The following CFHR4 variants were observed in gnomAD, a reference collection of about 807,000 sequenced individuals.
The protein encoded by CFHR4 is complement factor H-related protein 4.
In CFHR4, 64 loss-of-function variants were observed where a neutral mutation model predicts 69.3. The ratio of observed to expected loss-of-function variants is 0.92; its 90% confidence interval spans 0.76 to 1.14. The LOEUF (loss-of-function observed/expected upper bound fraction) is 1.14. Among genes scored for constraint, CFHR4 ranks in the 50% most tolerant of loss-of-function variants. CFHR4 has a pLI of 0.00. For missense variants in CFHR4, 636 were observed against 684.9 expected (o/e 0.93, Z 0.80); for synonymous variants, 244 against 237.0 (o/e 1.03, Z -0.27).
intron 1 of CFHR4, among the ~76,000 whole-genome samples, chr1:196,891,471 C>T (rs1657032964): frequency 6.6e-6 from 1 of 151,248 alleles, no homozygotes. Context: ...CCCAACAAGC[C>T]TCTGGAGCCA....
intron 9 of CFHR4, among the ~76,000 whole-genome samples, chr1:196,917,408 C>T (rs1658706930): frequency 6.6e-6 from 1 of 151,144 alleles, no homozygotes; most frequent in South Asian, 2.1e-4. Context: ...TGCACATGTA[C>T]CCTGGAACTT....
At chr1:196,902,361 A>G in intron 1 of CFHR4, 57 bp from the exon 2 acceptor site, 1 of 1,181,228 alleles carries the variant, frequency 8.5e-7, no homozygotes, top group African/African-American at 1.6e-5. Context: ...AATGTCATAT[A>G]TGATTATCTG....
At chr1:196,894,739 CTG>C (rs1267286726) in intron 1 of CFHR4, among the ~76,000 whole-genome samples, 3 of 151,568 alleles carry the variant, frequency 2.0e-5, no homozygotes, top group East Asian at 1.9e-4. Context: ...AAGACTCTCT[CTG>C]TGTCTTTGCT....
At chr1:196,916,975 A>C (rs1658674003) in intron 9 of CFHR4, among the ~76,000 whole-genome samples, 1 of 151,578 alleles carries the variant, frequency 6.6e-6, no homozygotes, top group Admixed American at 6.6e-5. Flanking sequence ...AGGCAGCAGG[A>C]AACTTTAGAA....
chr1:196,910,554 C>G (rs1012289247), intron 6 of CFHR4, 76 bp downstream of exon 6: 2 of 1,238,280 alleles, frequency 1.6e-6, no homozygotes, highest in African/African-American at 3.0e-5. Context: ...CAAATGATTA[C>G]ATTGTCTTAT....
Position 196,906,974 on chromosome 1 carries a change from G to T in CFHR4, c.553G>T (p.Gly185Ter). ...ECYDGYESSY[G>*]NTTDSIVCGE... ...CTATGATGGATATGAAAGCAGTTAT[G>T]GAAACACCACAGATTCCATAGTGTG... The change falls in exon 4 of 10, where the codon GGA (glycine) becomes TGA (stop). Residue 185 changes from glycine (G) to a stop codon, truncating the protein, a stop_gained. Transcript: ENST00000608469. LOFTEE classifies it high-confidence loss of function. 1 of 1,612,564 alleles carries T rather than the reference G, an allele frequency of 6.2e-7. No individual in the cohort carries two copies. Among genetic ancestry groups the T allele is most frequent in the South Asian group, 1.1e-5 (1 of 90,996 alleles).
intron 1 of CFHR4, among the ~76,000 whole-genome samples, chr1:196,890,434 A>G (rs1294341912): frequency 6.6e-6 from 1 of 151,702 alleles, no homozygotes; most frequent in Non-Finnish European, 1.5e-5. Flanking sequence ...ACAGAAAATT[A>G]GTAATTGTAA....
chr1:196,918,554 T>C lies in CFHR4; in HGVS notation c.*148T>C, dbSNP rs1024561891. ...AATAGTTTCAATTTGCAACTTAATA[T>C]GTTCTCAAAAATATGTTAAAACAAA... On this transcript the variant is annotated 3_prime_UTR_variant, in exon 10 of 10. Coordinates refer to ENST00000608469, the MANE Select transcript of CFHR4 (RefSeq NM_001201550.3). 4.9e-6 allele frequency: 4 copies of C among 813,214 alleles called. No homozygotes were observed. Among genetic ancestry groups the C allele is most frequent in the African/African-American group, 1.8e-5 (1 of 56,918 alleles). 50.4% of individuals were successfully genotyped at this position (813,214 alleles called of 1,614,324 possible). A position where few individuals can be genotyped will look rare whatever the true frequency, so the allele number is the denominator to read the frequency against.
intron 1 of CFHR4, among the ~76,000 whole-genome samples, chr1:196,898,501 G>T (rs571169135): frequency 1.3e-5 from 2 of 151,540 alleles, no homozygotes; most frequent in South Asian, 4.2e-4. Flanking sequence ...TTTAATGTTT[G>T]CTACTCAGAA....
In CFHR4 at chr1:196,918,351, T is replaced by C. The variant is rs1233927024; in HGVS notation, c.1682T>C (p.Leu561Pro). The C allele has an allele frequency of 1.2e-6, 2 of 1,612,190 alleles. No individual in the cohort carries two copies. Among genetic ancestry groups the C allele is most frequent in the African/African-American group, 1.3e-5 (1 of 74,380 alleles). ...KLGYNANTSVLSFQAVCREGI... is the reference protein window; with the variant it reads ...KLGYNANTSVPSFQAVCREGI... Reference sequence around the variant, plus strand: ...GGATATAATGCGAATACATCAGTTCTATCATTTCAAGCAGTGTGTAGGGAA... The same window carrying C: ...GGATATAATGCGAATACATCAGTTCCATCATTTCAAGCAGTGTGTAGGGAA... The change falls in exon 10 of 10, where the codon CTA (leucine) becomes CCA (proline). Residue 561 changes from leucine (L) to proline (P), a missense_variant. Leu to Pro is a moderately conservative substitution (Grantham distance 98, BLOSUM62 -3). Around this residue, in one of 3 missense-constraint regions of CFHR4, gnomAD observed 85 missense variants for 79.0 expected, o/e 1.08. Coordinates refer to ENST00000608469, the MANE Select transcript of CFHR4 (RefSeq NM_001201550.3).
At position 196,888,107 on chromosome 1, in the gene CFHR4, G is replaced by A; in HGVS notation, c.-44G>A. 2 of 1,586,142 alleles carry A rather than the reference G, an allele frequency of 1.3e-6. No individual in the cohort carries two copies. Among genetic ancestry groups the A allele is most frequent in the African/African-American group, 2.7e-5 (2 of 73,264 alleles). ...TGAAAGATTTCAAACCCCAAACAGT[G>A]CAACTGAAACTTTTGCATTACTATA... On this transcript the variant is annotated 5_prime_UTR_variant, in exon 1 of 10. Coordinates refer to ENST00000608469, the MANE Select transcript of CFHR4 (RefSeq NM_001201550.3).
chr1:196,915,423 G>A (rs1246320260), intron 9 of CFHR4, among the ~76,000 whole-genome samples: 6 of 151,390 alleles, frequency 4.0e-5, no homozygotes, highest in African/African-American at 2.4e-5. Flanking sequence ...AGATCACGAG[G>A]TCAGGAGTTC....
rs550761086 is a variant in CFHR4 at position 196,904,958 on chromosome 1, C to T, written c.257-150C>T. ...TTTCACTATTTTCTTTCAAAATTCA[C>T]AGATGTCTAGGAAACTTCCAGTTTT... On this transcript the variant is annotated intron_variant, in intron 2 of 9. Transcript: ENST00000608469. The T allele has an allele frequency of 4.4e-5, 33 of 746,420 alleles. No individual in the cohort carries two copies. The Admixed American group carries it at 8.1e-4, about 18-fold the overall frequency. The allele number at this position is 746,420 out of a possible 1,614,324, so 46.2% of individuals were successfully genotyped here.
intron 1 of CFHR4, among the ~76,000 whole-genome samples, chr1:196,897,479 G>T (rs1657363861): frequency 6.6e-6 from 1 of 151,518 alleles, no homozygotes; most frequent in Non-Finnish European, 1.5e-5. Flanking sequence ...TTGCCCAGTG[G>T]TCCTAAAGAA....
At chr1:196,916,862 G>A (rs1658667190) in intron 9 of CFHR4, among the ~76,000 whole-genome samples, 1 of 151,362 alleles carries the variant, frequency 6.6e-6, no homozygotes, top group Non-Finnish European at 1.5e-5. Context: ...CAAAACTAAA[G>A]AAGCAAAGAG....
chr1:196,890,052 A>G (rs1259101112), intron 1 of CFHR4, among the ~76,000 whole-genome samples: 1 of 151,544 alleles, frequency 6.6e-6, no homozygotes, highest in Non-Finnish European at 1.5e-5. Context: ...GCACTAGAAG[A>G]TAAATACAAT....
At position 196,918,401 on chromosome 1, in the gene CFHR4, G is replaced by C; in HGVS notation, c.1732G>C (p.Glu578Gln). 2 of 1,610,306 alleles carry C rather than the reference G, an allele frequency of 1.2e-6. No homozygotes were observed. Among genetic ancestry groups the C allele is most frequent in the South Asian group, 2.2e-5 (2 of 90,994 alleles). Residue 578 changes from glutamate to glutamine, a missense_variant, in exon 10 of 10, where the codon GAA (glutamate) becomes CAA (glutamine). Transcript: ENST00000608469. ...REGIVEYPRC[E>Q] ...AGGCATAGTGGAATACCCCAGATGC[G>C]AATAAGGCAGCATTGTTACCCTAAA...
chr1:196,910,150 TAA>T (rs368112020), intron 5 of CFHR4, 129 bp from the exon 6 acceptor site: 4,925 of 411,986 alleles, frequency 0.012, no homozygotes, highest in South Asian at 0.016. Flanking sequence ...AAATTTCATC[TAA>T]AAAAAAAAAA....
intron 1 of CFHR4, among the ~76,000 whole-genome samples, chr1:196,890,241 T>C (rs72485118): frequency 0.17 from 26,488 of 151,432 alleles, 2,821 homozygotes; most frequent in Middle Eastern, 0.32. Context: ...TGTTTATATA[T>C]ACCTGTATTC....
Sources: gnomAD v4.1 joint callset for allele counts (sites outside exome capture counted in the v4.1 genomes callset) on GRCh38, gnomAD v4.1.1 for gene constraint, gnomAD v4.1.1 regional missense constraint, MANE v1.5 for transcripts, NCBI Gene and HGNC (gene_info 2026-07-23, HGNC 2026-07-21) for gene names.